Variants in MYO5B observed in about 807,000 individuals in gnomAD.
MYO5B encodes the protein myosin VB.
Under a neutral mutation model 229.3 loss-of-function variants are expected in MYO5B, and 143 were observed. The observed-to-expected ratio is 0.62, with a 90% CI of 0.54 to 0.72. MYO5B has a LOEUF of 0.72. Among genes scored for constraint, MYO5B ranks in the 30% least tolerant of loss-of-function variants. The pLI is 0.00. For missense variants in MYO5B, 2,321 were observed against 2,331.0 expected (o/e 1.00, Z 0.09); for synonymous variants, 918 against 885.2 (o/e 1.04, Z -0.66).
chr18:49,930,708 C>T (rs752688192), intron 16 of MYO5B, among the ~76,000 whole-genome samples: 5 of 152,054 alleles, frequency 3.3e-5, no homozygotes, highest in African/African-American at 4.8e-5. Flanking sequence ...CTGGCTAACA[C>T]GGTGAAACCC....
intron 1 of MYO5B, among the ~76,000 whole-genome samples, chr18:50,181,239 G>A (rs1275359484): frequency 6.6e-6 from 1 of 152,158 alleles, no homozygotes; most frequent in Non-Finnish European, 1.5e-5. Flanking sequence ...CTATAAATCA[G>A]CATAACTATA....
chr18:49,871,269 G>T (rs555939774), intron 27 of MYO5B, among the ~76,000 whole-genome samples: 15 of 152,218 alleles, frequency 9.9e-5, no homozygotes, highest in Non-Finnish European at 1.5e-4. Flanking sequence ...GTTGCCAGAG[G>T]TTGGGGGAGG....
At chr18:49,839,034 G>A in intron 36 of MYO5B, 110 bp downstream of exon 36, 3 of 1,377,728 alleles carry the variant, frequency 2.2e-6, no homozygotes, top group Admixed American at 1.7e-5. Flanking sequence ...TGGCTTTCTG[G>A]AGGTCATGGC....
chr18:49,870,835 A>G (rs568221995), intron 27 of MYO5B, among the ~76,000 whole-genome samples: 2 of 152,246 alleles, frequency 1.3e-5, no homozygotes, highest in Non-Finnish European at 2.9e-5. Flanking sequence ...ATCCTTGTGC[A>G]CTGCTGGTGG....
intron 1 of MYO5B, among the ~76,000 whole-genome samples, chr18:50,110,380 G>T (rs1245842874): frequency 6.6e-6 from 1 of 152,088 alleles, no homozygotes; most frequent in Non-Finnish European, 1.5e-5. Flanking sequence ...TCCCTCATTT[G>T]CTCCAGGTAT....
In MYO5B at chr18:50,097,345, C is replaced by T. The variant is rs139900608; in HGVS notation, c.28-41967G>A. 15 of 448,186 alleles carry T rather than the reference C, an allele frequency of 3.3e-5. No individual in the cohort carries two copies. The East Asian group carries it at 1.1e-3, about 32-fold the overall frequency. The allele number at this position is 448,186 out of a possible 1,614,324, so 27.8% of individuals were successfully genotyped here. A position where few individuals can be genotyped will look rare whatever the true frequency, so the allele number is the denominator to read the frequency against. On this transcript the variant is annotated intron_variant, in intron 1 of 39. Transcript: ENST00000285039. ...CAGTGAAGGCAGACACCCTGCCTTA[C>T]CATTCTTTTGATTCCCAGTCCAAGT...
chr18:50,070,018 C>CTTTT (rs765610800), intron 1 of MYO5B, among the ~76,000 whole-genome samples: 14 of 110,062 alleles, frequency 1.3e-4, no homozygotes, highest in South Asian at 3.2e-4. Context: ...GCAATTTAGT[C>CTTTT]TTTTTTTTTT....
intron 5 of MYO5B, among the ~76,000 whole-genome samples, chr18:49,998,565 C>A (rs1194462758): frequency 3.3e-5 from 5 of 152,184 alleles, no homozygotes; most frequent in Admixed American, 3.3e-4. Context: ...ATTTCCAAAG[C>A]AAGAATTCAA....
chr18:50,157,938 C>G (rs2032707612), intron 1 of MYO5B, among the ~76,000 whole-genome samples: 1 of 152,186 alleles, frequency 6.6e-6, no homozygotes, highest in African/African-American at 2.4e-5. Context: ...ACTTGTTCAA[C>G]CAGAACTCAC....
chr18:50,030,876 G>GAAAAA (rs869189090), intron 4 of MYO5B, among the ~76,000 whole-genome samples: 8 of 30,500 alleles, frequency 2.6e-4, no homozygotes, highest in African/African-American at 7.1e-4. Flanking sequence ...CTCCCTTTCA[G>GAAAAA]AAAAAAAAAA....
At chr18:50,076,342 C>G (rs372406860) in intron 1 of MYO5B, among the ~76,000 whole-genome samples, 37 of 152,262 alleles carry the variant, frequency 2.4e-4, no homozygotes, top group Non-Finnish European at 4.9e-4. Context: ...TCCATCCATG[C>G]CCAAACACCC....
chr18:49,979,961 C>T (rs1394222623), intron 9 of MYO5B, among the ~76,000 whole-genome samples: 1 of 152,248 alleles, frequency 6.6e-6, no homozygotes, highest in East Asian at 1.9e-4. Flanking sequence ...TGACAGCTTG[C>T]AGTACTTTCA....
chr18:49,880,366 C>T lies in MYO5B; in HGVS notation c.3130+5G>A. The T allele has an allele frequency of 6.2e-7, 1 of 1,612,648 alleles. No homozygotes were observed. The highest frequency in any genetic ancestry group is 1.1e-5 in the South Asian group (1 of 91,046). ...CAAATAAAACTCAAGTGCTTTGGTA[C>T]TTACCTTTAGACTGGCACAGGATTT... is the stretch of plus-strand genomic sequence containing the variant. On this transcript the variant is annotated splice_donor_5th_base_variant and intron_variant, in intron 23 of 39. Coordinates refer to ENST00000285039, the MANE Select transcript of MYO5B (RefSeq NM_001080467.3).
intron 5 of MYO5B, among the ~76,000 whole-genome samples, chr18:49,997,369 C>CTTTTTTTTTTTTTTTTTTTTTTTTTTTTT (rs34011258): frequency 5.0e-5 from 3 of 60,354 alleles, no homozygotes; most frequent in African/African-American, 2.1e-4. Context: ...TCCTTTCTTT[C>CTTTTTTTTTTTTTTTTTTTTTTTTTTTTT]TTTTTTTTTT....
At chr18:50,075,136 G>A (rs2031049613) in intron 1 of MYO5B, among the ~76,000 whole-genome samples, 1 of 152,156 alleles carries the variant, frequency 6.6e-6, no homozygotes, top group Non-Finnish European at 1.5e-5. Context: ...AGTGCCAAGT[G>A]TACTCAGATA....
intron 1 of MYO5B, among the ~76,000 whole-genome samples, chr18:50,106,711 C>T (rs1224465442): frequency 1.3e-5 from 2 of 152,202 alleles, no homozygotes; most frequent in Admixed American, 1.3e-4. Context: ...CTGTGCCTCC[C>T]CTGACACAAC....
At chr18:49,887,855 T>G (rs1454360766) in intron 22 of MYO5B, among the ~76,000 whole-genome samples, 2 of 151,898 alleles carry the variant, frequency 1.3e-5, no homozygotes, top group African/African-American at 2.4e-5. Flanking sequence ...TAATTTTTTT[T>G]TTGTTGTATT....
At chr18:49,944,712 C>T (rs893481645) in intron 14 of MYO5B, among the ~76,000 whole-genome samples, 1 of 152,118 alleles carries the variant, frequency 6.6e-6, no homozygotes, top group African/African-American at 2.4e-5. Context: ...TGAATCACTC[C>T]ATCCCCTGGC....
rs916177520 is a variant in MYO5B at position 50,039,995 on chromosome 18, C to G, written c.310+148G>C. On this transcript the variant is annotated intron_variant, in intron 3 of 39. Transcript: ENST00000285039. The stretch of plus-strand genomic sequence containing the variant: ...TGGGGCAGCCTAATTAAGCCACATT[C>G]ACTGATTGCAAACCTTTCAAGGGTC... The G allele has an allele frequency of 2.2e-5, 19 of 881,934 alleles. No individual in the cohort carries two copies. In the South Asian group the frequency reaches 2.4e-4, roughly 11 times the overall value. 54.6% of individuals were successfully genotyped at this position (881,934 alleles called of 1,614,324 possible).
Sources: allele counts gnomAD v4.1 joint callset (sites outside exome capture counted in the v4.1 genomes callset), GRCh38; gene constraint gnomAD v4.1.1; transcripts MANE v1.5; gene names NCBI Gene and HGNC (gene_info 2026-07-23, HGNC 2026-07-21).